Variants in MAP2K2 observed in about 807,000 individuals in gnomAD.
MAP2K2 encodes the protein dual specificity mitogen-activated protein kinase kinase 2.
Under a neutral mutation model 43.7 loss-of-function variants are expected in MAP2K2, and 24 were observed. The ratio of observed to expected loss-of-function variants is 0.55; its 90% CI spans 0.40 to 0.77. MAP2K2 has a LOEUF of 0.77. MAP2K2 is among the 30% of genes least tolerant of loss of function. The pLI, the probability that MAP2K2 is intolerant of heterozygous loss-of-function variation, is 0.00. For synonymous variants in MAP2K2, 244 were observed against 239.7 expected, an observed-to-expected ratio of 1.02 and a Z score of -0.17; for missense variants, 470 against 566.8, an observed-to-expected ratio of 0.83 and a Z score of 1.73.
At chr19:4,121,202 C>T (rs1023062521) in intron 1 of MAP2K2, among the ~76,000 whole-genome samples, 2 of 151,990 alleles carry the variant, frequency 1.3e-5, no homozygotes, top group Non-Finnish European at 2.9e-5. Context: ...CGGACCCCAG[C>T]ATACCCCTTT....
intron 3 of MAP2K2, chr19:4,103,025 G>T: frequency 9.5e-7 from 1 of 1,057,072 alleles, no homozygotes; most frequent in East Asian, 8.2e-5. Context: ...CGGCTCCACT[G>T]CTGGGCGTCT....
At chr19:4,112,002 C>A (rs1460025235) in intron 2 of MAP2K2, among the ~76,000 whole-genome samples, 2 of 148,954 alleles carry the variant, frequency 1.3e-5, no homozygotes, top group African/African-American at 5.2e-5. Flanking sequence ...ACAACAAAAA[C>A]ACCACGGGCA....
At chr19:4,113,596 G>A (rs992674984) in intron 2 of MAP2K2, among the ~76,000 whole-genome samples, 5 of 152,184 alleles carry the variant, frequency 3.3e-5, no homozygotes, top group African/African-American at 1.2e-4. Flanking sequence ...GGGCTGCCTC[G>A]GGGAACACTG....
chr19:4,095,846 C>G lies in MAP2K2; in HGVS notation c.985-397G>C, dbSNP rs190667723. Among the ~76,000 whole-genome samples, 291 of 152,352 alleles carry G rather than the reference C, an allele frequency of 1.9e-3. 2 individuals carry two copies. Among genetic ancestry groups the G allele is most frequent in the Middle Eastern group, 3.4e-3 (1 of 294 alleles). On this transcript the variant is annotated intron_variant, in intron 8 of 10. Transcript: ENST00000262948. The stretch of plus-strand genomic sequence containing the variant: ...CTGGAGTGCAATGGCGTGATCTTGG[C>G]TCACTGCAGCCTCCACCTCCGGGGT...
At chr19:4,109,348 G>A (rs1250785991) in intron 3 of MAP2K2, among the ~76,000 whole-genome samples, 1 of 152,130 alleles carries the variant, frequency 6.6e-6, no homozygotes, top group Non-Finnish European at 1.5e-5. Context: ...AGAGACTGTG[G>A]TCCCACAGAT....
intron 1 of MAP2K2, among the ~76,000 whole-genome samples, chr19:4,118,351 G>C (rs2041253923): frequency 6.6e-6 from 1 of 152,176 alleles, no homozygotes; most frequent in Admixed American, 6.5e-5. Context: ...GGAGATAGAG[G>C]AACAAGCGTT....
At chr19:4,102,236 G>T in intron 4 of MAP2K2, 140 bp downstream of exon 4, 1 of 741,310 alleles carries the variant, frequency 1.3e-6, no homozygotes, top group Non-Finnish European at 2.3e-6. Flanking sequence ...CAGCAGGTGG[G>T]CACAGCCTTG....
Position 4,097,268 on chromosome 19 carries a change from C to T in MAP2K2, c.984+11G>A, listed in dbSNP as rs778075251. 1.4e-6 allele frequency: 2 copies of T among 1,467,928 alleles called. No homozygotes were observed. Among genetic ancestry groups the T allele is most frequent in the South Asian group, 1.1e-5 (1 of 88,100 alleles). 90.9% of individuals were successfully genotyped at this position (1,467,928 alleles called of 1,614,324 possible). A position where few individuals can be genotyped will look rare whatever the true frequency, so the allele number is the denominator to read the frequency against. On this transcript the variant is annotated intron_variant, in intron 8 of 10. Transcript: ENST00000262948. ...AAGGAAAAGAAAAGCCAAAAGGCAT[C>T]AAGCACAAACCTCGTTCACAATATA... is the stretch of plus-strand genomic sequence containing the variant.
At chr19:4,106,723 C>G (rs1043402937) in intron 3 of MAP2K2, among the ~76,000 whole-genome samples, 11 of 151,266 alleles carry the variant, frequency 7.3e-5, no homozygotes, top group Non-Finnish European at 1.5e-4. Flanking sequence ...TGTTTATTTT[C>G]TACAACCACC....
Position 4,090,424 on chromosome 19 carries a change from G to A in MAP2K2, c.*174C>T, listed in dbSNP as rs6630. On this transcript the variant is annotated 3_prime_UTR_variant, in exon 11 of 11. Transcript: ENST00000262948. ...TCCCCAGAGGCACCCCGGCCAGGACGGGCAGGAGAGGAGACCCCCGTTCCT... is the reference window on the plus strand; with the variant it reads ...TCCCCAGAGGCACCCCGGCCAGGACAGGCAGGAGAGGAGACCCCCGTTCCT... 1.2e-5 allele frequency: 8 copies of A among 656,426 alleles called. No homozygotes were observed. The highest frequency in any genetic ancestry group is 5.1e-5 in the South Asian group (3 of 58,710). 40.7% of individuals were successfully genotyped at this position (656,426 alleles called of 1,614,324 possible). A position where few individuals can be genotyped will look rare whatever the true frequency, so the allele number is the denominator to read the frequency against.
intron 3 of MAP2K2, among the ~76,000 whole-genome samples, chr19:4,105,691 T>C (rs371528807): frequency 6.6e-6 from 1 of 152,184 alleles, no homozygotes; most frequent in South Asian, 2.1e-4. Context: ...ATCTCTCTCT[T>C]TCTTTCTTTC....
At chr19:4,104,953 C>T (rs569353207) in intron 3 of MAP2K2, among the ~76,000 whole-genome samples, 2 of 152,318 alleles carry the variant, frequency 1.3e-5, no homozygotes, top group South Asian at 2.1e-4. Flanking sequence ...GACAACCACA[C>T]ACATCCCCAG....
rs776813074 is a variant in MAP2K2, at chr19:4,110,467, C to G, written c.450+42G>C. ...TTCCTTCTCCCCAACATGCTCTGTTCCGTGGAGGCCCTGCCCCTGCCCCTG... is the reference window on the plus strand; with the variant it reads ...TTCCTTCTCCCCAACATGCTCTGTTGCGTGGAGGCCCTGCCCCTGCCCCTG... On this transcript the variant is annotated intron_variant, in intron 3 of 10. Coordinates refer to ENST00000262948, the MANE Select transcript of MAP2K2 (RefSeq NM_030662.4). The G allele has an allele frequency of 4.4e-6, 7 of 1,609,066 alleles. No individual in the cohort carries two copies. The Admixed American group carries it at 1.2e-4, about 27-fold the overall frequency.
At chr19:4,096,787 G>C (rs139938354) in intron 8 of MAP2K2, among the ~76,000 whole-genome samples, 28 of 152,314 alleles carry the variant, frequency 1.8e-4, no homozygotes, top group Non-Finnish European at 1.8e-4. Flanking sequence ...TCCTCGGCCT[G>C]AGCCCAGGGC....
intron 10 of MAP2K2, among the ~76,000 whole-genome samples, chr19:4,094,159 G>T (rs1340274832): frequency 6.6e-6 from 1 of 152,202 alleles, no homozygotes; most frequent in Non-Finnish European, 1.5e-5. Context: ...AAGAAGCCCG[G>T]GGTCTCATCC....
At chr19:4,099,469 CCCGGGAGGCTTGCCCCGTTACAG>C in intron 6 of MAP2K2, 55 bp from the exon 7 acceptor site, 1 of 1,443,358 alleles carries the variant, frequency 6.9e-7, no homozygotes, top group South Asian at 1.2e-5. Context: ...GCAGCTGGAA[CCCGGGAGGCTTGCCCCGTTACAG>C]CCCCCGTCAC....
At position 4,099,216 on chromosome 19, in the gene MAP2K2, C is replaced by A. The variant is rs759148204; in HGVS notation, c.904G>T (p.Gly302Trp). The A allele has an allele frequency of 6.2e-7, 1 of 1,602,976 alleles. No homozygotes were observed. Among genetic ancestry groups the A allele is most frequent in the Non-Finnish European group, 8.5e-7 (1 of 1,175,572 alleles). ...HSISPRPRPPGRPVSGHGMDS... is the reference protein window; with the variant it reads ...HSISPRPRPPWRPVSGHGMDS... ...CAGGCCGTACCGCTGACGGGGCGCC[C>A]GGGGGGCCTCGGCCGAGGCGAGATG... is the stretch of plus-strand genomic sequence containing the variant. The change falls in exon 7 of 11, where the codon GGG becomes TGG. Residue 302 changes from glycine to tryptophan, a missense_variant. Coordinates refer to ENST00000262948, the MANE Select transcript of MAP2K2 (RefSeq NM_030662.4).
rs541445035 is a variant in MAP2K2 at position 4,117,006 on chromosome 19, C to T, written c.303+413G>A. 3.9e-5 allele frequency among the ~76,000 whole-genome samples: 6 copies of T among 152,342 alleles called. No individual in the cohort carries two copies. The South Asian group carries it at 6.2e-4, about 16-fold the overall frequency. On this transcript the variant is annotated intron_variant, in intron 2 of 10. Coordinates refer to ENST00000262948, the MANE Select transcript of MAP2K2 (RefSeq NM_030662.4). ...TGGCCTGATCATCTTACGTCGCCAC[C>T]GCTGCGTAGGCGGTCTGTCACTGGC...
At chr19:4,119,515 C>T (rs2041267422) in intron 1 of MAP2K2, among the ~76,000 whole-genome samples, 1 of 152,194 alleles carries the variant, frequency 6.6e-6, no homozygotes, top group African/African-American at 2.4e-5. Flanking sequence ...AGCCACTGCA[C>T]CTGGCTGAAA....
Sources: gnomAD v4.1 joint callset for allele counts (sites outside exome capture counted in the v4.1 genomes callset) on GRCh38, gnomAD v4.1.1 for gene constraint, MANE v1.5 for transcripts, NCBI Gene and HGNC (gene_info 2026-07-23, HGNC 2026-07-21) for gene names.